Variants in ZNF385D observed in about 807,000 individuals in gnomAD.
ZNF385D encodes the protein zinc finger protein 659.
Under a neutral mutation model 35.8 loss-of-function variants are expected in ZNF385D, and 15 were observed. The observed-to-expected ratio is 0.42, with a 90% CI of 0.28 to 0.64. ZNF385D has a LOEUF of 0.64. ZNF385D is among the 30% of genes least tolerant of loss of function. The probability of loss-of-function intolerance (pLI) is 0.23; values close to 1 mark genes in which losing one functional copy is unlikely to be tolerated. For missense variants in ZNF385D, 474 were observed against 494.6 expected (o/e 0.96, Z 0.39); for synonymous variants, 212 against 186.8 (o/e 1.13, Z -1.10).
intron 3 of ZNF385D, among the ~76,000 whole-genome samples, chr3:21,987,277 A>C (rs1270489217): frequency 9.5e-4 from 131 of 137,556 alleles, no homozygotes; most frequent in African/African-American, 3.8e-3. Context: ...TGGTCTTTAC[A>C]TTTTGGCATG....
chr3:21,688,975 A>G (rs541695117), intron 1 of ZNF385D, among the ~76,000 whole-genome samples: 1 of 152,268 alleles, frequency 6.6e-6, no homozygotes, highest in East Asian at 1.9e-4. Context: ...AGTTAAATAC[A>G]TAAGCCAAGA....
intron 2 of ZNF385D, among the ~76,000 whole-genome samples, chr3:22,237,061 T>C (rs1256828664): frequency 6.6e-6 from 1 of 152,188 alleles, no homozygotes; most frequent in Non-Finnish European, 1.5e-5. Flanking sequence ...TGCTGAGTCA[T>C]ATAGTAACTC....
chr3:21,819,324 G>A (rs1436898605), intron 3 of ZNF385D, among the ~76,000 whole-genome samples: 1 of 151,674 alleles, frequency 6.6e-6, no homozygotes, highest in African/African-American at 2.4e-5. Flanking sequence ...AAGATTGTCA[G>A]ATGAGACTGG....
At chr3:21,653,387 T>A (rs2065978700) in intron 2 of ZNF385D, among the ~76,000 whole-genome samples, 1 of 152,094 alleles carries the variant, frequency 6.6e-6, no homozygotes. Flanking sequence ...AATGAACATT[T>A]TTGAACCAAG....
intron 1 of ZNF385D, among the ~76,000 whole-genome samples, chr3:21,730,935 G>C (rs1039275075): frequency 1.3e-5 from 2 of 152,052 alleles, no homozygotes; most frequent in Non-Finnish European, 2.9e-5. Flanking sequence ...TTCCTACTGA[G>C]GCTCACTTTT....
At chr3:21,810,994 G>A (rs866147876) in intron 3 of ZNF385D, among the ~76,000 whole-genome samples, 12,723 of 108,102 alleles carry the variant, frequency 0.12, 654 homozygotes, top group Middle Eastern at 0.16. Context: ...GTGTGTGTGT[G>A]TGTGTATATA....
chr3:21,779,747 T>C (rs1461991597), intron 3 of ZNF385D, among the ~76,000 whole-genome samples: 2 of 151,964 alleles, frequency 1.3e-5, no homozygotes, highest in African/African-American at 4.8e-5. Flanking sequence ...ATGAAACACA[T>C]TTCTATTTAG....
At chr3:21,437,292 CT>C in intron 4 of ZNF385D, 89 bp from the exon 5 acceptor site, 2 of 1,253,834 alleles carry the variant, frequency 1.6e-6, no homozygotes, top group Non-Finnish European at 2.2e-6. Context: ...TTGCATTCTG[CT>C]TATAATGATA....
intron 1 of ZNF385D, among the ~76,000 whole-genome samples, chr3:21,720,090 C>A (rs1167900716): frequency 6.6e-6 from 1 of 152,140 alleles, no homozygotes; most frequent in Non-Finnish European, 1.5e-5. Flanking sequence ...CCAGTTCTCA[C>A]CTCTAGAGAA....
chr3:21,950,213 T>C (rs7631845), intron 3 of ZNF385D, among the ~76,000 whole-genome samples: 39,780 of 151,506 alleles, frequency 0.26, 6,276 homozygotes, highest in Admixed American at 0.41. Context: ...TCTTCTCCAG[T>C]ATCTGTTGTT....
intron 2 of ZNF385D, among the ~76,000 whole-genome samples, chr3:22,330,054 G>A (rs1694863474): frequency 6.6e-6 from 1 of 152,094 alleles, no homozygotes; most frequent in South Asian, 2.1e-4. Flanking sequence ...AATTGTCTGT[G>A]TGGCAAATTG....
chr3:21,712,407 G>A (rs4858346), intron 1 of ZNF385D, among the ~76,000 whole-genome samples: 26,135 of 151,940 alleles, frequency 0.17, 2,699 homozygotes, highest in Admixed American at 0.3. Context: ...TTGAACTCAC[G>A]GTCTCTTCTC....
At chr3:22,075,948 TCTTCG>T (rs1350642100) in intron 3 of ZNF385D, among the ~76,000 whole-genome samples, 2 of 151,970 alleles carry the variant, frequency 1.3e-5, no homozygotes, top group Non-Finnish European at 2.9e-5. Context: ...GTGAGGATAT[TCTTCG>T]CTTCTTTAAT....
intron 3 of ZNF385D, among the ~76,000 whole-genome samples, chr3:21,918,136 T>C (rs569743898): frequency 1.3e-5 from 2 of 152,288 alleles, no homozygotes; most frequent in South Asian, 2.1e-4. Flanking sequence ...ACTAAATCAA[T>C]GTTTAGCCAA....
chr3:22,235,424 G>A (rs939331632), intron 2 of ZNF385D, among the ~76,000 whole-genome samples: 6 of 152,038 alleles, frequency 3.9e-5, no homozygotes, highest in Non-Finnish European at 7.4e-5. Flanking sequence ...TTAACAGGAC[G>A]AAACACTCAG....
Position 21,997,144 on chromosome 3 carries a change from T to C in ZNF385D, c.325+171673A>G, listed in dbSNP as rs573422831. Among the ~76,000 whole-genome samples, 70 of 152,186 alleles carry C rather than the reference T, an allele frequency of 4.6e-4. 1 individual carries two copies. Among genetic ancestry groups the C allele is most frequent in the African/African-American group, 1.6e-3 (68 of 41,522 alleles). Reference sequence around the variant, plus strand: ...CTGGATTAAGAAAATATGGCACATATAAACCATGGAATACTATGCAGCTGT... The same window carrying C: ...CTGGATTAAGAAAATATGGCACATACAAACCATGGAATACTATGCAGCTGT... On this transcript the variant is annotated intron_variant, in intron 3 of 5. Transcript: ENST00000494108.
At chr3:22,028,276 G>T (rs1697693923) in intron 3 of ZNF385D, among the ~76,000 whole-genome samples, 1 of 152,132 alleles carries the variant, frequency 6.6e-6, no homozygotes, top group South Asian at 2.1e-4. Context: ...TAGATAGAAT[G>T]ACCTGTTCTG....
intron 3 of ZNF385D, among the ~76,000 whole-genome samples, chr3:21,519,064 A>G (rs1182711792): frequency 6.6e-6 from 1 of 152,118 alleles, no homozygotes; most frequent in Non-Finnish European, 1.5e-5. Flanking sequence ...CTTTAAATGT[A>G]TTCCTGTCTT....
At chr3:21,993,690 C>G (rs1420873894) in intron 3 of ZNF385D, among the ~76,000 whole-genome samples, 1 of 152,058 alleles carries the variant, frequency 6.6e-6, no homozygotes, top group Non-Finnish European at 1.5e-5. Context: ...TTAAGTTTTG[C>G]TGGGAATCAC....
Sources: allele counts gnomAD v4.1 joint callset (sites outside exome capture counted in the v4.1 genomes callset), GRCh38; gene constraint gnomAD v4.1.1; transcripts MANE v1.5; gene names NCBI Gene and HGNC (gene_info 2026-07-23, HGNC 2026-07-21).